Variants in RAD50 observed in about 807,000 individuals in gnomAD.
The protein encoded by RAD50 is DNA repair protein RAD50.
Under a neutral mutation model 168.8 loss-of-function variants are expected in RAD50, and 132 were observed. The observed-to-expected ratio is 0.78, with a 90% CI of 0.68 to 0.90. RAD50 has a LOEUF of 0.90. RAD50 is among the 40% of genes least tolerant of loss of function. The probability of loss-of-function intolerance (pLI) is 0.00; values close to 1 mark genes in which losing one functional copy is unlikely to be tolerated. For synonymous variants in RAD50, 525 were observed against 497.4 expected (o/e 1.06, Z -0.74); for missense variants, 1,347 against 1,534.4 (o/e 0.88, Z 2.04).
chr5:132,564,218 G>A (rs955178681), intron 2 of RAD50, among the ~76,000 whole-genome samples: 1 of 152,174 alleles, frequency 6.6e-6, no homozygotes, highest in African/African-American at 2.4e-5. Context: ...AAAGAAGACA[G>A]GAAGATGAGG....
intron 3 of RAD50, among the ~76,000 whole-genome samples, chr5:132,578,653 A>C (rs1419463541): frequency 6.7e-6 from 1 of 150,298 alleles, no homozygotes; most frequent in East Asian, 1.9e-4. Context: ...CAGCCTCCCA[A>C]GGAGCTGGGA....
Position 132,557,155 on chromosome 5 carries a change from T to TC in RAD50, c.-167dup. The TC allele has an allele frequency of 1.1e-6, 1 of 910,724 alleles. No individual in the cohort carries two copies. The highest frequency in any genetic ancestry group is 1.7e-6 in the Non-Finnish European group (1 of 578,324). The allele number at this position is 910,724 out of a possible 1,614,324, so 56.4% of individuals were successfully genotyped here. A position where few individuals can be genotyped will look rare whatever the true frequency, so the allele number is the denominator to read the frequency against. ...AAGGCTCCATCCCCCGCCCCCTCTCTCCCGCTGTTGGCTGGCAGGATCTTT... is the reference window on the plus strand; with the variant it reads ...AAGGCTCCATCCCCCGCCCCCTCTCTCCCCGCTGTTGGCTGGCAGGATCTTT... On this transcript the variant is annotated 5_prime_UTR_variant, in exon 1 of 25. Transcript: ENST00000378823.
Position 132,587,627 on chromosome 5 carries a change from C to T in RAD50, c.822C>T (p.Ala274=). 6.2e-7 allele frequency: 1 copy of T among 1,613,606 alleles called. No individual in the cohort carries two copies. The highest frequency in any genetic ancestry group is 8.5e-7 in the Non-Finnish European group (1 of 1,179,840). ...TGAAACTTGACAATGAAATTAAAGC[C>T]TTGGATAGCCGAAAGAAGCAAATGG... ...KIMKLDNEIK[A]LDSRKKQMEK... is the part of the protein sequence containing the mutation. Residue 274 remains alanine, a synonymous_variant, in exon 6 of 25, where the codon GCC becomes GCT. Coordinates refer to ENST00000378823, the MANE Select transcript of RAD50 (RefSeq NM_005732.4).
chr5:132,633,126 A>G (rs1751507242), intron 21 of RAD50, among the ~76,000 whole-genome samples: 1 of 128,166 alleles, frequency 7.8e-6, no homozygotes, highest in African/African-American at 3.1e-5. Flanking sequence ...TTTGAGACAG[A>G]GTCTAGCTCT....
intron 16 of RAD50, among the ~76,000 whole-genome samples, chr5:132,607,944 A>G (rs1480327032): frequency 6.6e-6 from 1 of 152,252 alleles, no homozygotes; most frequent in Non-Finnish European, 1.5e-5. Context: ...TGTGGTTATC[A>G]TATAACTACG....
chr5:132,608,900 A>G (rs534178760), intron 17 of RAD50, among the ~76,000 whole-genome samples, 175 bp downstream of exon 17: 79 of 152,210 alleles, frequency 5.2e-4, no homozygotes, highest in Non-Finnish European at 1.0e-3. Context: ...ATTTGATGTA[A>G]ATTATTTTGC....
At chr5:132,596,285 G>A (rs1025877017) in intron 13 of RAD50, among the ~76,000 whole-genome samples, 1 of 152,122 alleles carries the variant, frequency 6.6e-6, no homozygotes, top group Non-Finnish European at 1.5e-5. Flanking sequence ...TGTGAGCACC[G>A]TGCATAGCCA....
intron 23 of RAD50, among the ~76,000 whole-genome samples, chr5:132,640,217 A>G (rs1391735495): frequency 6.6e-6 from 1 of 152,192 alleles, no homozygotes; most frequent in East Asian, 1.9e-4. Context: ...GAATATGGAA[A>G]TTTAAAGGTA....
At chr5:132,595,529 A>G (rs768070487) in intron 12 of RAD50, 44 bp from the exon 13 acceptor site, 4 of 1,305,178 alleles carry the variant, frequency 3.1e-6, no homozygotes, top group Middle Eastern at 1.8e-4. Context: ...ACTGTATTTT[A>G]TGTTTTTTTC....
chr5:132,619,836 C>CTCTA lies in RAD50; in HGVS notation c.3389+1543_3389+1544insCTAT, dbSNP rs1257882764. On this transcript the variant is annotated intron_variant, in intron 21 of 24. Transcript: ENST00000378823. ...TACTCCTCTCTCTCTCTCTCTCTCT[C>CTCTA]TATATATATATATATAAAGATATAT... 1.6e-3 allele frequency among the ~76,000 whole-genome samples: 181 copies of CTCTA among 114,404 alleles called. 2 individuals are homozygous for CTCTA. The highest frequency in any genetic ancestry group is 2.5e-3 in the Non-Finnish European group (148 of 59,740). The allele number at this position is 114,404 out of a possible 152,430, so 75.1% of individuals were successfully genotyped here. A position where few individuals can be genotyped will look rare whatever the true frequency, so the allele number is the denominator to read the frequency against.
rs199802777 is a variant in RAD50 at position 132,604,866 on chromosome 5, A to G, written c.2585A>G (p.His862Arg). 4.3e-6 allele frequency: 7 copies of G among 1,613,706 alleles called. No homozygotes were observed. Among genetic ancestry groups the G allele is most frequent in the South Asian group, 2.2e-5 (2 of 91,052 alleles). The change falls in exon 16 of 25, where the codon CAT (histidine) becomes CGT (arginine). Residue 862 changes from histidine (H) to arginine (R), a missense_variant. Coordinates refer to ENST00000378823, the MANE Select transcript of RAD50 (RefSeq NM_005732.4). The stretch of plus-strand genomic sequence containing the variant: ...CAGGACCAGCAGGAACAGATTCAAC[A>G]TCTAAAAAGTACAACAAATGAGCTA... ...LIQDQQEQIQ[H>R]LKSTTNELKS... is the part of the protein sequence containing the mutation.
At chr5:132,582,363 G>C (rs1390556643) in intron 5 of RAD50, among the ~76,000 whole-genome samples, 1 of 152,146 alleles carries the variant, frequency 6.6e-6, no homozygotes, top group Admixed American at 6.5e-5. Flanking sequence ...GCACATAGCA[G>C]GTGGTTCAAT....
Position 132,640,824 on chromosome 5 carries a change from T to A in RAD50, c.3752+19T>A, listed in dbSNP as rs762974525. 1 of 1,613,330 alleles carries A rather than the reference T, an allele frequency of 6.2e-7. No homozygotes were observed. The highest frequency in any genetic ancestry group is 8.5e-7 in the Non-Finnish European group (1 of 1,179,534). On this transcript the variant is annotated intron_variant, in intron 24 of 24. Coordinates refer to ENST00000378823, the MANE Select transcript of RAD50 (RefSeq NM_005732.4). ...TGGTTGAGTAAGTATCTCTTGCACA[T>A]GCTCTGGTTGAGTAAGTATCTCACA...
intron 5 of RAD50, among the ~76,000 whole-genome samples, chr5:132,583,871 A>T (rs1750549382): frequency 6.6e-6 from 1 of 151,168 alleles, no homozygotes; most frequent in Non-Finnish European, 1.5e-5. Flanking sequence ...TTTTTTTTGT[A>T]TTTTTAGTAG....
intron 2 of RAD50, among the ~76,000 whole-genome samples, chr5:132,573,935 T>C (rs1750351303): frequency 6.6e-6 from 1 of 152,228 alleles, no homozygotes; most frequent in South Asian, 2.1e-4. Flanking sequence ...CTTGGGCAGC[T>C]CCACTTCTGG....
intron 2 of RAD50, among the ~76,000 whole-genome samples, chr5:132,564,970 C>A (rs374492999): frequency 6.6e-6 from 1 of 152,174 alleles, no homozygotes; most frequent in South Asian, 2.1e-4. Flanking sequence ...TGTATGGAAA[C>A]GTCTGGATGT....
Position 132,609,173 on chromosome 5 carries a change from G to A in RAD50, c.2886G>A (p.Glu962=), listed in dbSNP as rs746546513. ...KNIHGYMKDI[E]NYIQDGKDDY... is the part of the protein sequence containing the mutation. ...TTCATGGCTATATGAAAGACATTGA[G>A]AATTATATTCAAGATGGGAAAGACG... The change falls in exon 18 of 25, where the codon GAG becomes GAA. Residue 962 remains glutamate, a synonymous_variant. Coordinates refer to ENST00000378823, the MANE Select transcript of RAD50 (RefSeq NM_005732.4). 1 of 1,611,672 alleles carries A rather than the reference G, an allele frequency of 6.2e-7. No individual in the cohort carries two copies. The highest frequency in any genetic ancestry group is 2.2e-5 in the East Asian group (1 of 44,734).
At chr5:132,635,310 A>G (rs780811576) in intron 21 of RAD50, among the ~76,000 whole-genome samples, 16 of 152,268 alleles carry the variant, frequency 1.1e-4, no homozygotes, top group Non-Finnish European at 1.9e-4. Flanking sequence ...CATATGGTAA[A>G]TGGTCATCAA....
In RAD50 at chr5:132,640,661, C is replaced by CT. The variant is rs1411469588; in HGVS notation, c.3619-5dup. ...CTGTGCTGGGCTTCTCACATAGGGG[C>CT]TTTTTTCCAGGTATTAGCCTCACTC... is the stretch of plus-strand genomic sequence containing the variant. On this transcript the variant is annotated splice_polypyrimidine_tract_variant and intron_variant, in intron 23 of 24. Coordinates refer to ENST00000378823, the MANE Select transcript of RAD50 (RefSeq NM_005732.4). 7 of 1,614,050 alleles carry CT rather than the reference C, an allele frequency of 4.3e-6. No individual in the cohort carries two copies. In the African/African-American group the frequency reaches 5.3e-5, roughly 12 times the overall value.
Sources: allele counts gnomAD v4.1 joint callset (sites outside exome capture counted in the v4.1 genomes callset), GRCh38; gene constraint gnomAD v4.1.1; transcripts MANE v1.5; gene names NCBI Gene and HGNC (gene_info 2026-07-23, HGNC 2026-07-21).